ADAMTS2: variants seen among roughly 807,000 people sequenced by gnomAD.
ADAMTS2 encodes the protein A disintegrin and metalloproteinase with thrombospondin motifs 2.
Under a neutral mutation model 123.0 loss-of-function variants are expected in ADAMTS2, and 50 were observed. That is an observed-to-expected ratio of 0.41 (90% CI 0.32 to 0.51). ADAMTS2 has a LOEUF of 0.51. Among genes scored for constraint, ADAMTS2 ranks in the 20% least tolerant of loss-of-function variants. The pLI, the probability that ADAMTS2 is intolerant of heterozygous loss-of-function variation, is 0.35. For synonymous variants in ADAMTS2, 678 were observed against 695.4 expected (o/e 0.98, Z 0.39); for missense variants, 1,494 against 1,705.2 (o/e 0.88, Z 2.18).
intron 7 of ADAMTS2, 128 bp from the exon 8 acceptor site, chr5:179,154,320 C>T (rs1317188964): frequency 5.3e-5 from 71 of 1,333,144 alleles, no homozygotes; most frequent in Non-Finnish European, 6.6e-5. Context: ...CACTCTGAGC[C>T]GGGTGGCACC....
In ADAMTS2 at chr5:179,162,240, G is replaced by T. The variant is rs896755383; in HGVS notation, c.976-3361C>A. On this transcript the variant is annotated intron_variant, in intron 5 of 21. Transcript: ENST00000251582. The surrounding 1 kb of genome is among the most constrained non-coding windows in gnomAD (Gnocchi z 5.1). ...ACTTCCCCTCCTTTAATCTGAGTCA[G>T]ACCCCAGGCTTCAGGGGCAGGCAGG... Among the ~76,000 whole-genome samples, 1 of 152,162 alleles carries T rather than the reference G, an allele frequency of 6.6e-6. No homozygotes were observed. The highest frequency in any genetic ancestry group is 1.5e-5 in the Non-Finnish European group (1 of 68,036).
chr5:179,323,204 C>T (rs1047568903), intron 2 of ADAMTS2, among the ~76,000 whole-genome samples: 4 of 152,234 alleles, frequency 2.6e-5, no homozygotes, highest in African/African-American at 4.8e-5. Flanking sequence ...AAAATCCATC[C>T]GTGGTCCCCC....
chr5:179,121,891 C>G (rs1762770856), intron 20 of ADAMTS2, 141 bp from the exon 21 acceptor site: 2 of 548,204 alleles, frequency 3.6e-6, no homozygotes, highest in South Asian at 2.8e-5. Flanking sequence ...AAGGGTCCTC[C>G]GCTGCCAAGT....
intron 2 of ADAMTS2, among the ~76,000 whole-genome samples, chr5:179,325,596 T>C (rs1239500984): frequency 6.6e-6 from 1 of 152,262 alleles, no homozygotes; most frequent in Non-Finnish European, 1.5e-5. Context: ...GTGATTTGCC[T>C]GAAGCATGTG....
At chr5:179,337,348 T>C (rs1050724422) in intron 2 of ADAMTS2, among the ~76,000 whole-genome samples, 2 of 151,872 alleles carry the variant, frequency 1.3e-5, no homozygotes, top group Non-Finnish European at 2.9e-5. Flanking sequence ...CTCACTCAAA[T>C]GCACACCCTC....
intron 2 of ADAMTS2, among the ~76,000 whole-genome samples, chr5:179,300,094 C>CA (rs59939578): frequency 0.39 from 39,625 of 102,110 alleles, 7,649 homozygotes; most frequent in East Asian, 0.5. Flanking sequence ...GACTCCGTCT[C>CA]AAAAAAAAAA....
chr5:179,135,875 C>T (rs370637996), intron 13 of ADAMTS2, 34 bp downstream of exon 13: 161 of 1,612,068 alleles, frequency 1.0e-4, no homozygotes, highest in Middle Eastern at 5.2e-4. Flanking sequence ...AGACTTGACA[C>T]GGTAGCCCCC....
At chr5:179,134,756 A>T (rs1366556844) in intron 13 of ADAMTS2, among the ~76,000 whole-genome samples, 1 of 114,588 alleles carries the variant, frequency 8.7e-6, no homozygotes. Context: ...TCCCGGCTCC[A>T]GCTCCAGCTC....
chr5:179,172,943 A>T (rs2113295967), intron 5 of ADAMTS2, among the ~76,000 whole-genome samples: 1 of 151,872 alleles, frequency 6.6e-6, no homozygotes, highest in African/African-American at 2.4e-5. Flanking sequence ...AGCTGCTCAC[A>T]CCTGTAATCC....
At chr5:179,238,416 C>T (rs978903862) in intron 3 of ADAMTS2, among the ~76,000 whole-genome samples, 1 of 152,180 alleles carries the variant, frequency 6.6e-6, no homozygotes, top group African/African-American at 2.4e-5. Context: ...GGTGCCAGTG[C>T]TCTGAGTATG....
intron 4 of ADAMTS2, among the ~76,000 whole-genome samples, chr5:179,187,619 G>A (rs954060941): frequency 6.6e-6 from 1 of 152,122 alleles, no homozygotes; most frequent in South Asian, 2.1e-4. Flanking sequence ...AGCCCTGGGG[G>A]CCTCCTCCGC....
intron 2 of ADAMTS2, among the ~76,000 whole-genome samples, chr5:179,329,326 C>CAAAA (rs79153534): frequency 3.5e-5 from 3 of 85,712 alleles, no homozygotes; most frequent in Non-Finnish European, 7.5e-5. Context: ...GACTCCGTCT[C>CAAAA]AAAAAAAAAA....
rs1056011341 is a variant in ADAMTS2, at chr5:179,332,681, G to A, written c.534+11086C>T. Among the ~76,000 whole-genome samples the A allele has an allele frequency of 1.7e-4, 26 of 149,518 alleles. No homozygotes were observed. Among genetic ancestry groups the A allele is most frequent in the Non-Finnish European group, 1.0e-4 (7 of 67,162 alleles). The stretch of plus-strand genomic sequence containing the variant: ...GATCAGTGGCCAGTGGCCAGCCATC[G>A]TGCAGAGAGGGGAGGGCAGAGGGGA... On this transcript the variant is annotated intron_variant, in intron 2 of 21. Coordinates refer to ENST00000251582, the MANE Select transcript of ADAMTS2 (RefSeq NM_014244.5). This position sits in a 1 kb window ranked among gnomAD's most constrained non-coding sequence, Gnocchi z 4.2.
At chr5:179,151,193 G>A (rs1021616634) in intron 10 of ADAMTS2, 46 of 277,980 alleles carry the variant, frequency 1.7e-4, no homozygotes, top group African/African-American at 5.1e-4. Context: ...CACCGCGCCC[G>A]GCCTGAACTG....
rs2113169707 is a variant in ADAMTS2, at chr5:179,117,902, A to G, written c.3179-3578T>C. Among the ~76,000 whole-genome samples, 1 of 152,316 alleles carries G rather than the reference A, an allele frequency of 6.6e-6. No individual in the cohort carries two copies. Among genetic ancestry groups the G allele is most frequent in the Middle Eastern group, 3.4e-3 (1 of 294 alleles). ...AGAGCTGAGTCCTGTGACAGAGACC[A>G]TGTGGGCTCCAATGCCCAAAATATT... is the stretch of plus-strand genomic sequence containing the variant. On this transcript the variant is annotated intron_variant, in intron 21 of 21. Coordinates refer to ENST00000251582, the MANE Select transcript of ADAMTS2 (RefSeq NM_014244.5). The surrounding 1 kb of genome is among the most constrained non-coding windows in gnomAD (Gnocchi z 4.2).
intron 3 of ADAMTS2, among the ~76,000 whole-genome samples, chr5:179,210,604 G>A (rs1764826299): frequency 1.3e-5 from 2 of 152,242 alleles, no homozygotes; most frequent in South Asian, 4.1e-4. Flanking sequence ...AGGAAGACAG[G>A]GGCCTGGGCC....
rs1201646604 is a variant in ADAMTS2, at chr5:179,303,667, G to C, written c.535-30603C>G. 6.6e-6 allele frequency among the ~76,000 whole-genome samples: 1 copy of C among 152,164 alleles called. No individual in the cohort carries two copies. The highest frequency in any genetic ancestry group is 1.5e-5 in the Non-Finnish European group (1 of 68,034). On this transcript the variant is annotated intron_variant, in intron 2 of 21. Coordinates refer to ENST00000251582, the MANE Select transcript of ADAMTS2 (RefSeq NM_014244.5). The surrounding 1 kb of genome is among the most constrained non-coding windows in gnomAD (Gnocchi z 4.7). ...CCTATTTCCTTTTTCTTTTCTTCGT[G>C]TTCTCACACGCCAGCTCATGGCAGC...
At chr5:179,265,921 A>G (rs1204578702) in intron 3 of ADAMTS2, among the ~76,000 whole-genome samples, 2 of 152,336 alleles carry the variant, frequency 1.3e-5, no homozygotes, top group Middle Eastern at 3.4e-3. Flanking sequence ...AGAGAGGATG[A>G]GCTGAGAAGA....
At chr5:179,283,665 G>A (rs1234219340) in intron 2 of ADAMTS2, among the ~76,000 whole-genome samples, 1 of 151,602 alleles carries the variant, frequency 6.6e-6, no homozygotes, top group Non-Finnish European at 1.5e-5. Context: ...CCAGAACTCT[G>A]GGAGGCTGAG....
Sources: allele counts gnomAD v4.1 joint callset (sites outside exome capture counted in the v4.1 genomes callset), GRCh38; gene constraint gnomAD v4.1.1; non-coding constraint Gnocchi (gnomAD v3.1); transcripts MANE v1.5; gene names NCBI Gene and HGNC (gene_info 2026-07-23, HGNC 2026-07-21).